The following PDE10A variants were observed in gnomAD, a reference collection of about 807,000 sequenced individuals.
PDE10A encodes the protein cAMP and cAMP-inhibited cGMP 3',5'-cyclic phosphodiesterase 10A.
Under a neutral mutation model 97.7 loss-of-function variants are expected in PDE10A, and 39 were observed. The ratio of observed to expected loss-of-function variants is 0.40; its 90% CI spans 0.31 to 0.52. The LOEUF (loss-of-function observed/expected upper bound fraction) is 0.52. Among genes scored for constraint, PDE10A ranks in the 20% least tolerant of loss-of-function variants. The pLI is 0.56. For missense variants in PDE10A, 731 were observed against 1,047.8 expected (o/e 0.70, Z 4.17); for synonymous variants, 371 against 376.8 (o/e 0.98, Z 0.18).
At chr6:165,607,532 G>C (rs538945972) in intron 1 of PDE10A, among the ~76,000 whole-genome samples, 1 of 152,108 alleles carries the variant, frequency 6.6e-6, no homozygotes, top group Non-Finnish European at 1.5e-5. Context: ...TACCATCTAG[G>C]TTTGTTAAGT....
At chr6:165,540,789 C>T (rs1216375598) in intron 2 of PDE10A, among the ~76,000 whole-genome samples, 1 of 152,138 alleles carries the variant, frequency 6.6e-6, no homozygotes. Context: ...GCCACTATGC[C>T]TAGCTAATTT....
intron 1 of PDE10A, among the ~76,000 whole-genome samples, chr6:165,700,955 C>G (rs966380818): frequency 6.6e-6 from 1 of 152,170 alleles, no homozygotes; most frequent in Non-Finnish European, 1.5e-5. Context: ...ATTCAACTAG[C>G]TATGTCTGAT....
chr6:165,442,417 C>CCA (rs2128244410), intron 5 of PDE10A, among the ~76,000 whole-genome samples: 1 of 152,096 alleles, frequency 6.6e-6, no homozygotes, highest in South Asian at 2.1e-4. Context: ...ACTCACAGTT[C>CCA]CACAGGCTTA....
At chr6:165,675,640 ATTG>A (rs1200975299) in intron 1 of PDE10A, among the ~76,000 whole-genome samples, 2 of 152,204 alleles carry the variant, frequency 1.3e-5, no homozygotes, top group East Asian at 1.9e-4. Context: ...ACAAAACAGA[ATTG>A]TTGTTGCTGA....
At chr6:165,793,931 C>CA (rs1778733306) in intron 1 of PDE10A, among the ~76,000 whole-genome samples, 1 of 152,130 alleles carries the variant, frequency 6.6e-6, no homozygotes, top group African/African-American at 2.4e-5. Flanking sequence ...TTAATCTTCA[C>CA]AAAAATTCTG....
chr6:165,417,735 G>A (rs1271417842), intron 11 of PDE10A, among the ~76,000 whole-genome samples: 7 of 152,130 alleles, frequency 4.6e-5, no homozygotes, highest in East Asian at 3.9e-4. Context: ...CACAGGAAGC[G>A]CTGAGGGGCA....
intron 1 of PDE10A, among the ~76,000 whole-genome samples, chr6:165,624,093 T>C (rs953969754): frequency 2.6e-5 from 4 of 152,244 alleles, no homozygotes; most frequent in Non-Finnish European, 5.9e-5. Context: ...TGGATCTTCC[T>C]TAACGTCCCC....
chr6:165,354,740 T>C (rs1376447787), intron 18 of PDE10A, among the ~76,000 whole-genome samples: 2 of 152,162 alleles, frequency 1.3e-5, no homozygotes, highest in Non-Finnish European at 2.9e-5. Flanking sequence ...AAATGATGTC[T>C]GTGTTAACTC....
chr6:165,661,894 C>G lies in PDE10A; in HGVS notation c.865+53G>C. The stretch of plus-strand genomic sequence containing the variant: ...AGCAGTCCAAGCCCCCCACCTGCCC[C>G]CAGGGGATGAGGAGCCGCCCCACCT... On this transcript the variant is annotated intron_variant, in intron 1 of 21. Coordinates refer to ENST00000539869, the MANE Select transcript of PDE10A (RefSeq NM_001385079.1). The surrounding 1 kb of genome is among the most constrained non-coding windows in gnomAD (Gnocchi z 4.8). The G allele has an allele frequency of 1.3e-6, 1 of 766,466 alleles. No homozygotes were observed. The highest frequency in any genetic ancestry group is 1.5e-5 in the South Asian group (1 of 65,640). The allele number at this position is 766,466 out of a possible 1,614,324, so 47.5% of individuals were successfully genotyped here.
chr6:165,392,713 G>A lies in PDE10A; in HGVS notation c.2387C>T (p.Ala796Val), dbSNP rs749581970. 3.7e-6 allele frequency: 6 copies of A among 1,613,528 alleles called. No individual in the cohort carries two copies. The highest frequency in any genetic ancestry group is 2.7e-5 in the African/African-American group (2 of 75,000). The change falls in exon 16 of 22, where the codon GCG becomes GTG. Residue 796 changes from alanine to valine, a missense_variant. Ala to Val is a moderately conservative substitution (Grantham distance 64). This residue lies in a region of PDE10A where 131 missense variants were observed against 187.4 expected (regional missense o/e 0.70). Coordinates refer to ENST00000539869, the MANE Select transcript of PDE10A (RefSeq NM_001385079.1). ...ATACATGCAGTGTGCTACAGTGACC[G>A]CATGCTTCCAGTTGTGATAAGGAAC... ...RRVPYHNWKHAVTVAHCMYAI... is the reference protein window; with the variant it reads ...RRVPYHNWKHVVTVAHCMYAI...
chr6:165,431,392 A>G, intron 8 of PDE10A, 30 bp downstream of exon 8: 1 of 1,542,128 alleles, frequency 6.5e-7, no homozygotes, highest in Non-Finnish European at 8.9e-7. Context: ...TCCCTTAGGA[A>G]GCCCCTGCAA....
chr6:165,352,955 C>A (rs1358178185), intron 18 of PDE10A, among the ~76,000 whole-genome samples: 1 of 152,116 alleles, frequency 6.6e-6, no homozygotes, highest in African/African-American at 2.4e-5. Flanking sequence ...TGATCAAAGA[C>A]TGTTACCACA....
intron 1 of PDE10A, among the ~76,000 whole-genome samples, chr6:165,797,495 A>G (rs553770491): frequency 6.6e-6 from 1 of 152,250 alleles, no homozygotes; most frequent in Non-Finnish European, 1.5e-5. Context: ...TCTTCTCTTT[A>G]ATTCACAATA....
chr6:165,839,826 AATCTCG>A (rs1780174608), intron 1 of PDE10A, among the ~76,000 whole-genome samples: 1 of 44,200 alleles, frequency 2.3e-5, no homozygotes. Flanking sequence ...CCCCATCTCC[AATCTCG>A]TCTCCATTCT....
At chr6:165,507,483 C>T (rs1380039527) in intron 2 of PDE10A, among the ~76,000 whole-genome samples, 1 of 152,054 alleles carries the variant, frequency 6.6e-6, no homozygotes, top group Non-Finnish European at 1.5e-5. Context: ...TCATGATCTA[C>T]CTGGAAGACA....
At chr6:165,672,623 A>G (rs931824347) in intron 1 of PDE10A, among the ~76,000 whole-genome samples, 17 of 152,130 alleles carry the variant, frequency 1.1e-4, no homozygotes, top group African/African-American at 4.1e-4. Flanking sequence ...TACTGTTCTC[A>G]TGGTAGTGCT....
intron 1 of PDE10A, among the ~76,000 whole-genome samples, chr6:165,851,820 G>A (rs1196112066): frequency 6.6e-6 from 1 of 152,140 alleles, no homozygotes; most frequent in East Asian, 1.9e-4. Context: ...GCTGGGCACA[G>A]TGGCTCATGC....
At chr6:165,947,087 C>T (rs1783796144) in intron 1 of PDE10A, 1 of 152,160 alleles carries the variant, frequency 6.6e-6, no homozygotes, top group African/African-American at 2.4e-5. Context: ...TTAGGTTGCT[C>T]CTAATCTACC....
intron 1 of PDE10A, among the ~76,000 whole-genome samples, chr6:165,921,435 G>A (rs1324877544): frequency 1.3e-5 from 2 of 152,218 alleles, no homozygotes; most frequent in Non-Finnish European, 2.9e-5. Context: ...GAGGCTGAGA[G>A]TAAAGCCAGA....
Sources: allele counts gnomAD v4.1 joint callset (sites outside exome capture counted in the v4.1 genomes callset), GRCh38; gene constraint gnomAD v4.1.1; regional missense constraint gnomAD v4.1.1; non-coding constraint Gnocchi (gnomAD v3.1); transcripts MANE v1.5; gene names NCBI Gene and HGNC (gene_info 2026-07-23, HGNC 2026-07-21).